HIF1A: variants seen among roughly 807,000 people sequenced by gnomAD.
HIF1A encodes hypoxia-inducible factor 1-alpha.
In HIF1A, 24 loss-of-function variants were observed where a neutral mutation model predicts 92.7. That is an observed-to-expected ratio of 0.26 (90% CI 0.19 to 0.36). The LOEUF is 0.36. HIF1A is among the 10% of genes least tolerant of loss of function. The probability of loss-of-function intolerance (pLI) is 1.00; values close to 1 mark genes in which losing one functional copy is unlikely to be tolerated. For synonymous variants in HIF1A, 319 were observed against 338.7 expected, an observed-to-expected ratio of 0.94 and a Z score of 0.64; for missense variants, 799 against 998.5, an observed-to-expected ratio of 0.80 and a Z score of 2.69.
chr14:61,721,397 G>A (rs2044425333), intron 2 of HIF1A, 112 bp from the exon 3 acceptor site: 1 of 793,970 alleles, frequency 1.3e-6, no homozygotes, highest in Non-Finnish European at 2.0e-6. Flanking sequence ...TGAAATGGCT[G>A]TATATATTAA....
chr14:61,716,566 CTT>C (rs1327348448), intron 1 of HIF1A, among the ~76,000 whole-genome samples: 1 of 152,042 alleles, frequency 6.6e-6, no homozygotes, highest in Non-Finnish European at 1.5e-5. Context: ...GAAAAGATGA[CTT>C]TAAATGCCTA....
chr14:61,745,533 A>T, intron 13 of HIF1A, 158 bp from the exon 14 acceptor site: 1 of 680,304 alleles, frequency 1.5e-6, no homozygotes, highest in Non-Finnish European at 2.6e-6. Context: ...AATGGTCATA[A>T]TGGATGACAA....
intron 1 of HIF1A, among the ~76,000 whole-genome samples, chr14:61,718,166 A>G (rs1438376543): frequency 6.6e-6 from 1 of 152,126 alleles, no homozygotes; most frequent in East Asian, 1.9e-4. Context: ...AATTCTGAAC[A>G]CTTTGGCCAG....
At chr14:61,741,297 C>T (rs1490294817) in intron 12 of HIF1A, 109 bp downstream of exon 12, 1 of 667,544 alleles carries the variant, frequency 1.5e-6, no homozygotes, top group South Asian at 2.4e-5. Flanking sequence ...TATATATGCC[C>T]TAACGCAAAT....
At chr14:61,729,839 C>G (rs537615869) in intron 6 of HIF1A, among the ~76,000 whole-genome samples, 1 of 152,086 alleles carries the variant, frequency 6.6e-6, no homozygotes, top group Non-Finnish European at 1.5e-5. Flanking sequence ...ACAGCCAGCT[C>G]ATATATCAAC....
intron 13 of HIF1A, 42 bp downstream of exon 13, chr14:61,744,855 T>C: frequency 1.2e-6 from 1 of 817,404 alleles, no homozygotes; most frequent in Non-Finnish European, 2.0e-6. Flanking sequence ...GCTAATGTGC[T>C]ATTTCGTGTG....
intron 2 of HIF1A, among the ~76,000 whole-genome samples, chr14:61,721,101 C>G (rs1259110452): frequency 6.6e-6 from 1 of 152,026 alleles, no homozygotes; most frequent in Non-Finnish European, 1.5e-5. Flanking sequence ...ATTAGATGGG[C>G]ACGCTGGTAG....
At chr14:61,697,928 A>C (rs1392945369) in intron 1 of HIF1A, 1 of 1,519,816 alleles carries the variant, frequency 6.6e-7, no homozygotes, top group Non-Finnish European at 8.8e-7. Context: ...AACCTGAAGA[A>C]TTGGAAGAAA....
chr14:61,743,461 C>T (rs562297529), intron 12 of HIF1A, among the ~76,000 whole-genome samples: 18 of 152,216 alleles, frequency 1.2e-4, no homozygotes, highest in African/African-American at 3.4e-4. Flanking sequence ...CCATTAAAAA[C>T]GTAATTACTA....
chr14:61,698,074 A>T (rs1012716856), intron 1 of HIF1A: 108 of 499,372 alleles, frequency 2.2e-4, no homozygotes, highest in Non-Finnish European at 3.3e-4. Flanking sequence ...GAATGTCAAG[A>T]GAGTAATGAT....
intron 1 of HIF1A, among the ~76,000 whole-genome samples, chr14:61,709,376 CTT>C (rs1414750555): frequency 6.6e-6 from 1 of 152,160 alleles, no homozygotes; most frequent in African/African-American, 2.4e-5. Context: ...GTATTAGCTA[CTT>C]AATAAATTAA....
At chr14:61,701,193 C>G (rs1186329332) in intron 1 of HIF1A, among the ~76,000 whole-genome samples, 1 of 152,172 alleles carries the variant, frequency 6.6e-6, no homozygotes, top group Admixed American at 6.5e-5. Context: ...TTCTGGTGAT[C>G]TCAACTGTTA....
intron 14 of HIF1A, 127 bp from the exon 15 acceptor site, chr14:61,746,807 G>C: frequency 1.6e-6 from 1 of 637,980 alleles, no homozygotes; most frequent in South Asian, 2.3e-5. Context: ...TTGTGGTTTT[G>C]CCAGGTAAAC....
At chr14:61,719,760 C>T (rs2284999) in intron 1 of HIF1A, among the ~76,000 whole-genome samples, 110,077 of 152,080 alleles carry the variant, frequency 0.72, 45,385 homozygotes, top group Non-Finnish European at 0.91. Context: ...TTATTTGGCA[C>T]CTGTTGTGCC....
chr14:61,740,619 T>C lies in HIF1A; in HGVS notation c.1651T>C (p.Ser551Pro). The C allele has an allele frequency of 6.2e-7, 1 of 1,600,416 alleles. No individual in the cohort carries two copies. Among genetic ancestry groups the C allele is most frequent in the Non-Finnish European group, 8.5e-7 (1 of 1,175,518 alleles). ...AGACACAGAAGCAAAGAACCCATTT[T>C]CTACTCAGGTATATGAACTTATTTG... ...AEDTEAKNPF[S>P]TQDTDLDLEM... Residue 551 changes from serine to proline, a missense_variant, in exon 11 of 15, where the codon TCT becomes CCT. Physicochemically the swap from Ser to Pro is moderately conservative, Grantham distance 74. Around this residue, in one of 2 missense-constraint regions of HIF1A, gnomAD observed 516 missense variants for 721.0 expected, o/e 0.72. Coordinates refer to ENST00000337138, the MANE Select transcript of HIF1A (RefSeq NM_001530.4).
intron 1 of HIF1A, among the ~76,000 whole-genome samples, chr14:61,711,535 CTCTCTT>C (rs2044308198): frequency 6.6e-6 from 1 of 152,308 alleles, no homozygotes; most frequent in South Asian, 2.1e-4. Flanking sequence ...TTTCTCAGCT[CTCTCTT>C]TACACCTCTA....
chr14:61,706,554 GT>G lies in HIF1A; in HGVS notation c.35+10717del, dbSNP rs1202306123. On this transcript the variant is annotated intron_variant, in intron 1 of 14. Coordinates refer to ENST00000337138, the MANE Select transcript of HIF1A (RefSeq NM_001530.4). ...TGGTATGTTATAGGATGTGTATTCA[GT>G]TATAGCTAAAAATAAATTATTCTCG... is the stretch of plus-strand genomic sequence containing the variant. Among the ~76,000 whole-genome samples, 7 of 152,324 alleles carry G rather than the reference GT, an allele frequency of 4.6e-5. No individual in the cohort carries two copies. The East Asian group carries it at 1.3e-3, about 29-fold the overall frequency.
intron 1 of HIF1A, among the ~76,000 whole-genome samples, chr14:61,710,963 CT>C (rs1245396092): frequency 6.6e-6 from 1 of 150,768 alleles, no homozygotes; most frequent in Non-Finnish European, 1.5e-5. Flanking sequence ...AGGAAAATCG[CT>C]TGAACCTGGG....
chr14:61,710,683 A>C (rs984481893), intron 1 of HIF1A, among the ~76,000 whole-genome samples: 3 of 152,172 alleles, frequency 2.0e-5, no homozygotes, highest in African/African-American at 7.2e-5. Context: ...AACAATTACT[A>C]GATAGAAAAT....
Sources: gnomAD v4.1 joint callset for allele counts (sites outside exome capture counted in the v4.1 genomes callset) on GRCh38, gnomAD v4.1.1 for gene constraint, gnomAD v4.1.1 regional missense constraint, MANE v1.5 for transcripts, NCBI Gene and HGNC (gene_info 2026-07-23, HGNC 2026-07-21) for gene names.